KNTC1: variants seen among roughly 807,000 people sequenced by gnomAD.
KNTC1 encodes the protein kinetochore associated 1, also known as kinetochore-associated protein 1.
In KNTC1, 253 loss-of-function variants were observed where a neutral mutation model predicts 314.4. That is an observed-to-expected ratio of 0.80 (90% CI 0.73 to 0.89). The LOEUF (loss-of-function observed/expected upper bound fraction) is 0.89, where lower values mean the gene tolerates loss of function less well. Ranked by LOEUF, KNTC1 falls within the 40% of genes least tolerant of loss-of-function variation. KNTC1 has a pLI of 0.00. For synonymous variants in KNTC1, 901 were observed against 901.4 expected, an observed-to-expected ratio of 1.00 and a Z score of 0.01; for missense variants, 2,475 against 2,572.9, an observed-to-expected ratio of 0.96 and a Z score of 0.82.
intron 16 of KNTC1, among the ~76,000 whole-genome samples, chr12:122,555,962 T>C (rs1963558968): frequency 6.6e-6 from 1 of 152,206 alleles, no homozygotes; most frequent in Non-Finnish European, 1.5e-5. Flanking sequence ...TTAACATAAC[T>C]ATCACCTCAC....
rs777304889 is a variant in KNTC1 at position 122,570,853 on chromosome 12, C to T, written c.1861-23C>T. The T allele has an allele frequency of 6.8e-6, 10 of 1,468,494 alleles. 1 individual carries two copies. The South Asian group carries it at 1.2e-4, about 18-fold the overall frequency. 91.0% of individuals were successfully genotyped at this position (1,468,494 alleles called of 1,614,324 possible). A position where few individuals can be genotyped will look rare whatever the true frequency, so the allele number is the denominator to read the frequency against. ...GTCAGTGATTATCCATTAAGAATTT[C>T]ATTTTTAAATAATCTATTTCAGATA... On this transcript the variant is annotated intron_variant, in intron 22 of 63. Transcript: ENST00000333479.
intron 20 of KNTC1, among the ~76,000 whole-genome samples, chr12:122,566,044 G>T (rs764934657): frequency 4.1e-5 from 6 of 145,918 alleles, no homozygotes; most frequent in Non-Finnish European, 8.9e-5. Context: ...CCAGATTCAA[G>T]TGATTCTCCT....
intron 61 of KNTC1, among the ~76,000 whole-genome samples, chr12:122,622,240 A>G (rs1256428187): frequency 2.6e-5 from 4 of 152,216 alleles, no homozygotes; most frequent in Non-Finnish European, 4.4e-5. Context: ...CTCAAAGTGC[A>G]CAACAACAAT....
intron 20 of KNTC1, among the ~76,000 whole-genome samples, chr12:122,567,091 T>G (rs995261551): frequency 4.6e-5 from 7 of 151,910 alleles, no homozygotes; most frequent in African/African-American, 4.8e-5. Context: ...TTTTTTTTTA[T>G]TTGAGACAGT....
In KNTC1 at chr12:122,618,345, TC is replaced by T; in HGVS notation, c.6036del (p.Tyr2013ThrfsTer9). The T allele has an allele frequency of 6.2e-7, 1 of 1,613,556 alleles. No individual in the cohort carries two copies. ...ISSIHSLWQV[P>X]YFSKAWQRVI... is the part of the protein sequence containing the mutation. ...CAAACGTGGACTTGTTTTCACAGGT[TC>T]CCTACTTCAGCAAAGCGTGGCAGCG... On this transcript the variant is annotated frameshift_variant, in exon 58 of 64. Coordinates refer to ENST00000333479, the MANE Select transcript of KNTC1 (RefSeq NM_014708.6). LOFTEE classifies it high-confidence loss of function.
At chr12:122,548,444 G>C (rs1038926835) in intron 12 of KNTC1, among the ~76,000 whole-genome samples, 1 of 151,904 alleles carries the variant, frequency 6.6e-6, no homozygotes, top group Non-Finnish European at 1.5e-5. Context: ...TCCTGACCTG[G>C]TGATTTGCCT....
Position 122,605,306 on chromosome 12 carries a change from A to G in KNTC1, c.5387A>G (p.Asp1796Gly). ...IQNSSGTDYP[D>G]IHAAAKEIAE... ...CTTTTCTTTATTTTGAATATCTTAG[A>G]TATTCATGCAGCAGCTAAAGAAATA... The change falls in exon 51 of 64, where the codon GAT becomes GGT. Residue 1796 changes from aspartate to glycine, a missense_variant and splice_region_variant. Transcript: ENST00000333479. 1 of 1,560,852 alleles carries G rather than the reference A, an allele frequency of 6.4e-7. No individual in the cohort carries two copies. Among genetic ancestry groups the G allele is most frequent in the Non-Finnish European group, 8.7e-7 (1 of 1,145,326 alleles).
At chr12:122,588,849 G>GT (rs751678680) in intron 40 of KNTC1, 33 bp downstream of exon 40, 24,714 of 1,168,684 alleles carry the variant, frequency 0.021, no homozygotes, top group South Asian at 0.03. Flanking sequence ...AATTTTGTTT[G>GT]TTTTTTTTTT....
chr12:122,557,387 G>C lies in KNTC1; in HGVS notation c.1276G>C (p.Val426Leu). Residue 426 changes from valine (V) to leucine (L), a missense_variant, in exon 17 of 64, where the codon GTT (valine) becomes CTT (leucine). By Grantham distance (32) the Val-to-Leu change is conservative. Transcript: ENST00000333479. The part of the protein sequence containing the change: ...AIQFGLDVEL[V>L]YKVKSNHILE... ...ATGTGGCGTGTTTATATTACAGCTT[G>C]TTTACAAGGTCAAGTCAAATCATAT... 6.2e-7 allele frequency: 1 copy of C among 1,611,798 alleles called. No individual in the cohort carries two copies. Among genetic ancestry groups the C allele is most frequent in the East Asian group, 2.2e-5 (1 of 44,824 alleles).
At chr12:122,548,905 TTGC>T (rs1442501482) in intron 12 of KNTC1, among the ~76,000 whole-genome samples, 1 of 151,740 alleles carries the variant, frequency 6.6e-6, no homozygotes, top group Non-Finnish European at 1.5e-5. Context: ...GAGGCAGAGG[TTGC>T]GGTAAGCTGA....
intron 20 of KNTC1, among the ~76,000 whole-genome samples, chr12:122,566,965 G>T (rs185004203): frequency 1.3e-5 from 2 of 151,368 alleles, no homozygotes; most frequent in African/African-American, 2.4e-5. Context: ...CGAACTCCTG[G>T]GCTCAAGTGA....
intron 13 of KNTC1, among the ~76,000 whole-genome samples, chr12:122,551,020 A>G (rs566040602): frequency 6.6e-6 from 1 of 152,286 alleles, no homozygotes; most frequent in South Asian, 2.1e-4. Context: ...TTTAAATGTG[A>G]TCATTTGGTT....
At chr12:122,604,347 G>A (rs1178124507) in intron 48 of KNTC1, among the ~76,000 whole-genome samples, 7 of 151,584 alleles carry the variant, frequency 4.6e-5, no homozygotes, top group Non-Finnish European at 2.9e-5. Context: ...GGGTTCTTCC[G>A]TGTTGGCCAG....
chr12:122,568,838 A>T (rs963628734), intron 21 of KNTC1, among the ~76,000 whole-genome samples: 2 of 152,082 alleles, frequency 1.3e-5, no homozygotes, highest in Non-Finnish European at 1.5e-5. Flanking sequence ...TCCGTCCCAA[A>T]AAAAAGAAAA....
chr12:122,601,508 G>C (rs1181834972), intron 44 of KNTC1, 28 bp from the exon 45 acceptor site: 3 of 1,497,100 alleles, frequency 2.0e-6, no homozygotes, highest in Non-Finnish European at 2.7e-6. Flanking sequence ...GTCTTATCAA[G>C]TTTTGATATA....
rs147399784 is a variant in KNTC1 at position 122,567,738 on chromosome 12, T to C, written c.1605-523T>C. Reference sequence around the variant, plus strand: ...CTGTAATCCCAGCTGCTTGGGAGGCTGAGGCATGAGAATCTCTTGAACTCA... The same window carrying C: ...CTGTAATCCCAGCTGCTTGGGAGGCCGAGGCATGAGAATCTCTTGAACTCA... On this transcript the variant is annotated intron_variant, in intron 20 of 63. Transcript: ENST00000333479. Among the ~76,000 whole-genome samples, 8 of 152,256 alleles carry C rather than the reference T, an allele frequency of 5.3e-5. No homozygotes were observed. In the East Asian group the frequency reaches 1.4e-3, roughly 26 times the overall value.
At chr12:122,542,028 G>T in intron 5 of KNTC1, 22 bp from the exon 6 acceptor site, 1 of 1,501,878 alleles carries the variant, frequency 6.7e-7, no homozygotes. Context: ...AAAAGAAACT[G>T]ATTCTGATTT....
intron 2 of KNTC1, among the ~76,000 whole-genome samples, chr12:122,534,323 G>A (rs544722899): frequency 6.6e-6 from 1 of 152,214 alleles, no homozygotes; most frequent in Non-Finnish European, 1.5e-5. Context: ...CCTGCCTAGC[G>A]TATCCACGAC....
chr12:122,535,175 T>C (rs116383304), intron 3 of KNTC1, among the ~76,000 whole-genome samples: 6 of 152,226 alleles, frequency 3.9e-5, no homozygotes, highest in Non-Finnish European at 8.8e-5. Context: ...AACATACTTA[T>C]GAATTAATTC....
Sources: allele counts gnomAD v4.1 joint callset (sites outside exome capture counted in the v4.1 genomes callset), GRCh38; gene constraint gnomAD v4.1.1; transcripts MANE v1.5; gene names NCBI Gene and HGNC (gene_info 2026-07-23, HGNC 2026-07-21).